The following GAR1 variants were observed in gnomAD, a reference collection of about 807,000 sequenced individuals.
GAR1 encodes the protein GAR1 ribonucleoprotein.
A neutral mutation model predicts 29.3 loss-of-function variants in GAR1; 11 were observed. The ratio of observed to expected loss-of-function variants is 0.38; its 90% CI spans 0.24 to 0.62. GAR1 has a LOEUF of 0.62. Among genes scored for constraint, GAR1 ranks in the 20% least tolerant of loss-of-function variants. The pLI is 0.62. For missense variants in GAR1, 237 were observed against 268.4 expected, an observed-to-expected ratio of 0.88 and a Z score of 0.82; for synonymous variants, 87 against 93.3, an observed-to-expected ratio of 0.93 and a Z score of 0.39.
rs1007121721 is a variant in GAR1, at chr4:109,816,619, A to G, written c.214+241A>G. On this transcript the variant is annotated intron_variant, in intron 2 of 6. Transcript: ENST00000226796. ...TACTTATGCCTAATTCCCCGATTTT[A>G]CAGATGAGAAAACTATGATTTAGAG... Among the ~76,000 whole-genome samples, 38 of 152,176 alleles carry G rather than the reference A, an allele frequency of 2.5e-4. 1 individual carries two copies. Among genetic ancestry groups the G allele is most frequent in the Non-Finnish European group, 1.5e-5 (1 of 68,030 alleles).
Position 109,822,414 on chromosome 4 carries a change from G to A in GAR1, c.497G>A (p.Gly166Glu). 1 of 1,611,392 alleles carries A rather than the reference G, an allele frequency of 6.2e-7. No individual in the cohort carries two copies. The highest frequency in any genetic ancestry group is 2.2e-5 in the East Asian group (1 of 44,830). The change falls in exon 5 of 7, where the codon GGA becomes GAA. Residue 166 changes from glycine to glutamate, a missense_variant. Transcript: ENST00000226796. The part of the protein sequence containing the change: ...RFLPRPPGEK[G>E]PPRGGGRGGR... ...TTACCTCGACCTCCAGGTGAGAAAG[G>A]ACCTCCAAGAGGTGGTGGCAGGGGA...
chr4:109,821,578 A>G (rs1020286906), intron 4 of GAR1, among the ~76,000 whole-genome samples: 1 of 152,186 alleles, frequency 6.6e-6, no homozygotes, highest in African/African-American at 2.4e-5. Flanking sequence ...TTCAGAAGAT[A>G]CCCTTTTGAT....
At position 109,816,142 on chromosome 4, in the gene GAR1, T is replaced by C; in HGVS notation, c.-12-11T>C. The C allele has an allele frequency of 6.2e-7, 1 of 1,610,146 alleles. No individual in the cohort carries two copies. The highest frequency in any genetic ancestry group is 8.5e-7 in the Non-Finnish European group (1 of 1,178,632). On this transcript the variant is annotated splice_polypyrimidine_tract_variant and intron_variant, in intron 1 of 6. Coordinates refer to ENST00000226796, the MANE Select transcript of GAR1 (RefSeq NM_018983.4). ...GTGATCAGAAGACATAGGTCGTTTT[T>C]TTTTCATCAGGGAGGAGAGAGAATG...
chr4:109,815,540 C>T (rs1258090784), upstream of GAR1: 1 of 153,762 alleles, frequency 6.5e-6, no homozygotes, highest in Non-Finnish European at 1.5e-5. Context: ...CACGGCTCAG[C>T]GTCAGGCAAG....
At chr4:109,818,697 T>C (rs1733422044) in intron 3 of GAR1, among the ~76,000 whole-genome samples, 1 of 151,572 alleles carries the variant, frequency 6.6e-6, no homozygotes, top group Admixed American at 6.6e-5. Flanking sequence ...TTCAAGTAGC[T>C]GAGATTACAG....
chr4:109,815,979 TGGA>T (rs1733337486), intron 1 of GAR1, 171 bp from the exon 2 acceptor site: 1 of 684,642 alleles, frequency 1.5e-6, no homozygotes, highest in East Asian at 2.5e-5. Context: ...CACGAGACCA[TGGA>T]GAAGTAAACT....
intron 4 of GAR1, chr4:109,819,362 C>A (rs1368843354): frequency 8.3e-6 from 3 of 361,164 alleles, no homozygotes; most frequent in Non-Finnish European, 1.5e-5. Context: ...ACCAAACATT[C>A]TAGGTAGAAT....
At chr4:109,821,543 T>C (rs987579601) in intron 4 of GAR1, among the ~76,000 whole-genome samples, 1 of 152,244 alleles carries the variant, frequency 6.6e-6, no homozygotes, top group Non-Finnish European at 1.5e-5. Context: ...GTATAGTTTC[T>C]GTATATCCTT....
intron 4 of GAR1, 150 bp downstream of exon 4, chr4:109,819,210 C>T (rs1290157387): frequency 7.4e-6 from 5 of 677,524 alleles, no homozygotes; most frequent in Admixed American, 5.3e-5. Context: ...ATATTGAACA[C>T]ACTAATCTTT....
rs141397765 is a variant in GAR1 at position 109,824,424 on chromosome 4, G to A, written c.647G>A (p.Gly216Glu). ...GGRGGGFRGRGH is the reference protein window; with the variant it reads ...GGRGGGFRGREH Reference sequence around the variant, plus strand: ...TTAATTTTCTCTTAATCAGGGAGAGGACATTAAGTGAAACAGTTGACAGAC... The same window carrying A: ...TTAATTTTCTCTTAATCAGGGAGAGAACATTAAGTGAAACAGTTGACAGAC... The change falls in exon 7 of 7, where the codon GGA (glycine) becomes GAA (glutamate). Residue 216 changes from glycine (G) to glutamate (E), a missense_variant. Transcript: ENST00000226796. The A allele has an allele frequency of 4.4e-6, 7 of 1,588,426 alleles. No individual in the cohort carries two copies. Among genetic ancestry groups the A allele is most frequent in the African/African-American group, 1.3e-5 (1 of 74,400 alleles).
At chr4:109,818,196 A>G in intron 3 of GAR1, 106 bp downstream of exon 3, 1 of 745,962 alleles carries the variant, frequency 1.3e-6, no homozygotes, top group East Asian at 2.5e-5. Context: ...ATTAAATTAG[A>G]CAGGATTGCT....
intron 3 of GAR1, 118 bp downstream of exon 3, chr4:109,818,208 C>T: frequency 3.0e-6 from 2 of 677,266 alleles, no homozygotes; most frequent in Non-Finnish European, 2.5e-6. Context: ...AGGATTGCTA[C>T]AGATTGGACC....
In GAR1 at chr4:109,816,169, C is replaced by T. The variant is rs985942888; in HGVS notation, c.5C>T (p.Ser2Phe). Reference sequence around the variant, plus strand: ...TTTCATCAGGGAGGAGAGAGAATGTCTTTTCGAGGCGGAGGTCGTGGAGGC... The same window carrying T: ...TTTCATCAGGGAGGAGAGAGAATGTTTTTTCGAGGCGGAGGTCGTGGAGGC... M[S>F]FRGGGRGGFN... The change falls in exon 2 of 7, where the codon TCT becomes TTT. Residue 2 changes from serine to phenylalanine, a missense_variant. Ser to Phe is a radical substitution (Grantham distance 155). Coordinates refer to ENST00000226796, the MANE Select transcript of GAR1 (RefSeq NM_018983.4). The T allele has an allele frequency of 6.3e-7, 1 of 1,588,468 alleles. No individual in the cohort carries two copies. Among genetic ancestry groups the T allele is most frequent in the Non-Finnish European group, 8.6e-7 (1 of 1,164,936 alleles).
In GAR1 at chr4:109,824,679, TAGG is replaced by T. The variant is rs1251417754; in HGVS notation, c.*251_*253del. ...ACTCTGTGGGTGCTCAATAAATGGA[TAGG>T]AGTTTTCATTTGAAGCATATTTGAA... is the stretch of plus-strand genomic sequence containing the variant. On this transcript the variant is annotated 3_prime_UTR_variant, in exon 7 of 7. Transcript: ENST00000226796. 1.0e-5 allele frequency: 4 copies of T among 387,882 alleles called. No individual in the cohort carries two copies. The highest frequency in any genetic ancestry group is 1.2e-4 in the South Asian group (1 of 8,420). 24.0% of individuals were successfully genotyped at this position (387,882 alleles called of 1,614,324 possible).
chr4:109,820,746 C>T (rs1179286270), intron 4 of GAR1, among the ~76,000 whole-genome samples: 1 of 151,938 alleles, frequency 6.6e-6, no homozygotes, highest in Non-Finnish European at 1.5e-5. Flanking sequence ...GCCCGGGAGC[C>T]AGAATGGATT....
chr4:109,822,464 G>A lies in GAR1; in HGVS notation c.547G>A (p.Gly183Ser), dbSNP rs1733540082. 2 of 1,600,618 alleles carry A rather than the reference G, an allele frequency of 1.2e-6. No individual in the cohort carries two copies. The highest frequency in any genetic ancestry group is 1.7e-5 in the Admixed American group (1 of 58,202). ...AGGCCGAGGAGGAGGAAGAGGAGGAGGTGGCAGAGGTGGTGGCAGAGGCGG... is the reference window on the plus strand; with the variant it reads ...AGGCCGAGGAGGAGGAAGAGGAGGAAGTGGCAGAGGTGGTGGCAGAGGCGG... ...RGGRGGGRGG[G>S]GRGGGRGGGF... Residue 183 changes from glycine to serine, a missense_variant, in exon 5 of 7, where the codon GGT becomes AGT. Coordinates refer to ENST00000226796, the MANE Select transcript of GAR1 (RefSeq NM_018983.4).
chr4:109,817,224 A>G (rs902557509), intron 2 of GAR1, among the ~76,000 whole-genome samples: 2 of 152,208 alleles, frequency 1.3e-5, no homozygotes, highest in Non-Finnish European at 2.9e-5. Flanking sequence ...GAAGGGTTAG[A>G]TAGGAGAGAG....
At chr4:109,817,808 G>A (rs1018843029) in intron 2 of GAR1, 128 bp from the exon 3 acceptor site, 4 of 672,250 alleles carry the variant, frequency 6.0e-6, no homozygotes, top group Non-Finnish European at 1.0e-5. Flanking sequence ...CTAAGACTGT[G>A]GTCTTCTGCC....
At chr4:109,818,860 C>G (rs190160650) in intron 3 of GAR1, 141 bp from the exon 4 acceptor site, 17 of 558,624 alleles carry the variant, frequency 3.0e-5, no homozygotes, top group Non-Finnish European at 5.2e-5. Flanking sequence ...CCACCACGCC[C>G]AGCCCCTGGA....
Sources: gnomAD v4.1 joint callset for allele counts (sites outside exome capture counted in the v4.1 genomes callset) on GRCh38, gnomAD v4.1.1 for gene constraint, MANE v1.5 for transcripts, NCBI Gene and HGNC (gene_info 2026-07-23, HGNC 2026-07-21) for gene names.